Variants in C2orf76 observed in about 807,000 individuals in gnomAD.
C2orf76 encodes the protein chromosome 2 open reading frame 76, also known as UPF0538 protein C2orf76.
C2orf76 carries 23 observed loss-of-function variants against 16.9 expected under a neutral mutation model. The observed-to-expected ratio is 1.36, with a 90% confidence interval of 0.98 to 1.93. The LOEUF is 1.93. C2orf76 is among the 30% of genes most tolerant of loss of function. C2orf76 has a pLI of 0.00. For missense variants in C2orf76, 152 were observed against 152.6 expected, an observed-to-expected ratio of 1.00 and a Z score of 0.02; for synonymous variants, 48 against 52.3, an observed-to-expected ratio of 0.92 and a Z score of 0.35.
intron 1 of C2orf76, among the ~76,000 whole-genome samples, chr2:119,362,038 C>G (rs1680763067): frequency 6.6e-6 from 1 of 152,024 alleles, no homozygotes; most frequent in East Asian, 1.9e-4. Flanking sequence ...CTATTTTTTT[C>G]CACCTCTGCC....
At chr2:119,304,615 G>A (rs1478615166) in intron 5 of C2orf76, among the ~76,000 whole-genome samples, 1 of 152,182 alleles carries the variant, frequency 6.6e-6, no homozygotes, top group East Asian at 1.9e-4. Flanking sequence ...AAACAAATGG[G>A]TTAAACTATA....
chr2:119,344,602 C>T (rs1005550859), intron 1 of C2orf76, among the ~76,000 whole-genome samples: 2 of 152,054 alleles, frequency 1.3e-5, no homozygotes, highest in Non-Finnish European at 2.9e-5. Flanking sequence ...ACAAACAATT[C>T]TAAAATCCAT....
chr2:119,347,078 A>T (rs1371177926), intron 1 of C2orf76, among the ~76,000 whole-genome samples: 1 of 152,260 alleles, frequency 6.6e-6, no homozygotes, highest in Non-Finnish European at 1.5e-5. Context: ...ACCATCAGGT[A>T]AGACTGACGG....
the C2orf76 span, among the ~76,000 whole-genome samples, chr2:119,292,348 G>A: frequency 6.6e-5 from 10 of 151,950 alleles, no homozygotes; most frequent in Admixed American, 4.6e-4. Flanking sequence ...CCACCACAGC[G>A]TTTGAGTTTT....
chr2:119,354,555 A>G (rs1168803322), intron 1 of C2orf76, among the ~76,000 whole-genome samples: 1 of 152,148 alleles, frequency 6.6e-6, no homozygotes, highest in African/African-American at 2.4e-5. Context: ...AAAACCCTAC[A>G]TTTATAAACT....
intron 1 of C2orf76, among the ~76,000 whole-genome samples, chr2:119,361,611 G>A (rs1003044928): frequency 3.3e-5 from 5 of 152,048 alleles, no homozygotes; most frequent in African/African-American, 7.3e-5. Context: ...TAAGTTACAT[G>A]CAAATACATC....
At chr2:119,304,547 T>G (rs187603965) in intron 5 of C2orf76, among the ~76,000 whole-genome samples, 3 of 152,242 alleles carry the variant, frequency 2.0e-5, no homozygotes, top group African/African-American at 7.2e-5. Flanking sequence ...AAAATGAGAG[T>G]CTGCAGTGTA....
chr2:119,350,102 T>C (rs183071321), intron 1 of C2orf76, among the ~76,000 whole-genome samples: 2,809 of 125,524 alleles, frequency 0.022, 50 homozygotes, highest in Non-Finnish European at 0.035. Flanking sequence ...GCGTAAGTGT[T>C]TGTAGAACTA....
At chr2:119,349,157 T>C (rs1680301284) in intron 1 of C2orf76, among the ~76,000 whole-genome samples, 1 of 152,238 alleles carries the variant, frequency 6.6e-6, no homozygotes, top group East Asian at 1.9e-4. Context: ...CAAGAGACTG[T>C]TACTTGTTTT....
downstream of C2orf76, among the ~76,000 whole-genome samples, chr2:119,299,136 T>C (rs1014881238): frequency 1.3e-5 from 2 of 152,048 alleles, no homozygotes; most frequent in Non-Finnish European, 1.5e-5. Context: ...CAGGCTGGTC[T>C]CGAACTCCTG....
chr2:119,344,212 A>T (rs1680126346), intron 1 of C2orf76, among the ~76,000 whole-genome samples: 1 of 152,208 alleles, frequency 6.6e-6, no homozygotes, highest in East Asian at 1.9e-4. Flanking sequence ...TATCAGAAGG[A>T]CCATTATCTA....
intron 3 of C2orf76, among the ~76,000 whole-genome samples, chr2:119,319,615 T>C (rs963838366): frequency 2.6e-5 from 4 of 152,174 alleles, no homozygotes; most frequent in Non-Finnish European, 5.9e-5. Context: ...TCATGGGTCA[T>C]GTCTAGGCGA....
intron 3 of C2orf76, among the ~76,000 whole-genome samples, chr2:119,318,316 T>C (rs1679239023): frequency 6.6e-6 from 1 of 152,226 alleles, no homozygotes; most frequent in Non-Finnish European, 1.5e-5. Context: ...CAGTGTATTA[T>C]TGAATAAACT....
chr2:119,331,009 G>C (rs1415228378), intron 2 of C2orf76, among the ~76,000 whole-genome samples: 1 of 151,868 alleles, frequency 6.6e-6, no homozygotes, highest in East Asian at 1.9e-4. Context: ...AATATTTCTG[G>C]GTTGGTTTCA....
chr2:119,283,655 A>G, the C2orf76 span, among the ~76,000 whole-genome samples: 1 of 151,836 alleles, frequency 6.6e-6, no homozygotes, highest in African/African-American at 2.4e-5. Flanking sequence ...TTGTATTTTT[A>G]GTAGAGATGG....
intron 3 of C2orf76, among the ~76,000 whole-genome samples, chr2:119,317,814 T>G (rs781497069): frequency 1.3e-5 from 2 of 151,652 alleles, no homozygotes; most frequent in African/African-American, 2.4e-5. Context: ...CTGTACCTTG[T>G]TTTTTTGGAG....
At chr2:119,341,975 C>T (rs1476612314) in intron 1 of C2orf76, among the ~76,000 whole-genome samples, 1 of 152,160 alleles carries the variant, frequency 6.6e-6, no homozygotes, top group African/African-American at 2.4e-5. Flanking sequence ...GATACATATA[C>T]CTTTTGATCC....
chr2:119,285,738 T>G, the C2orf76 span, among the ~76,000 whole-genome samples: 1 of 152,246 alleles, frequency 6.6e-6, no homozygotes, highest in African/African-American at 2.4e-5. Flanking sequence ...AATTTCTTAA[T>G]ATAAGTTCCA....
the C2orf76 span, among the ~76,000 whole-genome samples, chr2:119,282,576 C>T: frequency 6.6e-6 from 1 of 152,186 alleles, no homozygotes; most frequent in Non-Finnish European, 1.5e-5. Context: ...CCAAGCCTCC[C>T]GTCCAGCATG....
Sources: gnomAD v4.1 joint callset for allele counts (sites outside exome capture counted in the v4.1 genomes callset) on GRCh38, gnomAD v4.1.1 for gene constraint, MANE v1.5 for transcripts, NCBI Gene and HGNC (gene_info 2026-07-23, HGNC 2026-07-21) for gene names.